OCA2: variants seen among roughly 807,000 people sequenced by gnomAD.
The protein encoded by OCA2 is P protein.
A neutral mutation model predicts 100.2 loss-of-function variants in OCA2; 77 were observed. The ratio of observed to expected loss-of-function variants is 0.77; its 90% CI spans 0.64 to 0.93. The LOEUF is 0.93. Among genes scored for constraint, OCA2 ranks in the 40% least tolerant of loss-of-function variants. The pLI, the probability that OCA2 is intolerant of heterozygous loss-of-function variation, is 0.00. For missense variants in OCA2, 1,062 were observed against 1,089.1 expected, an observed-to-expected ratio of 0.98 and a Z score of 0.35; for synonymous variants, 432 against 439.2, an observed-to-expected ratio of 0.98 and a Z score of 0.21.
Position 27,851,569 on chromosome 15 carries a change from G to A in OCA2, c.2245-94C>T, listed in dbSNP as rs914880309. ...TTTAGAAAATCCAAATGCTTTCTCA[G>A]CATTCAAACTCTAAGGAGCATAAGA... On this transcript the variant is annotated intron_variant, in intron 21 of 23. Transcript: ENST00000354638. 1.8e-5 allele frequency: 17 copies of A among 963,932 alleles called. No individual in the cohort carries two copies. In the African/African-American group the frequency reaches 2.7e-4, roughly 16 times the overall value. 59.7% of individuals were successfully genotyped at this position (963,932 alleles called of 1,614,324 possible). A position where few individuals can be genotyped will look rare whatever the true frequency, so the allele number is the denominator to read the frequency against.
chr15:28,096,054 C>G (rs1050121461), intron 1 of OCA2, among the ~76,000 whole-genome samples: 1 of 152,188 alleles, frequency 6.6e-6, no homozygotes, highest in African/African-American at 2.4e-5. Flanking sequence ...TCTCGGAGCA[C>G]GGCCCTTCTC....
At chr15:28,010,965 A>G (rs1178116296) in intron 9 of OCA2, among the ~76,000 whole-genome samples, 1 of 152,266 alleles carries the variant, frequency 6.6e-6, no homozygotes, top group Non-Finnish European at 1.5e-5. Context: ...ATAGTGTGGT[A>G]CTGGTAGAGG....
rs796626779 is a variant in OCA2 at position 27,792,198 on chromosome 15, CTCCTT to C, written c.2433-36731_2433-36727del. 2.4e-4 allele frequency among the ~76,000 whole-genome samples: 37 copies of C among 152,122 alleles called. 1 individual carries two copies. The highest frequency in any genetic ancestry group is 7.7e-4 in the African/African-American group (32 of 41,392). On this transcript the variant is annotated intron_variant, in intron 23 of 23. Transcript: ENST00000354638. ...CTTAAAGTAGAGGAGGGACCATCTT[CTCCTT>C]TCCTTTCTTTTCTTTTCTTTCTTTC...
chr15:28,081,992 G>C (rs2044649296), intron 1 of OCA2, 97 bp from the exon 2 acceptor site: 1 of 1,030,746 alleles, frequency 9.7e-7, no homozygotes, highest in Non-Finnish European at 1.5e-6. Flanking sequence ...TGCTTCTTCG[G>C]AGGCGGTCCC....
chr15:27,828,810 G>C (rs989827796), intron 23 of OCA2, among the ~76,000 whole-genome samples: 1 of 152,204 alleles, frequency 6.6e-6, no homozygotes, highest in Non-Finnish European at 1.5e-5. Flanking sequence ...TGAAGGGTCA[G>C]TCTGGGGTTG....
chr15:27,951,622 GCC>G (rs2040030447), intron 18 of OCA2, among the ~76,000 whole-genome samples, 160 bp downstream of exon 18: 1 of 152,102 alleles, frequency 6.6e-6, no homozygotes, highest in Non-Finnish European at 1.5e-5. Flanking sequence ...AAGGAAAGGC[GCC>G]CTTCTTCCCA....
At chr15:27,937,421 T>C (rs1218115021) in intron 18 of OCA2, among the ~76,000 whole-genome samples, 3 of 152,240 alleles carry the variant, frequency 2.0e-5, no homozygotes, top group Non-Finnish European at 4.4e-5. Context: ...CATACCACTG[T>C]GAACAAAATT....
At chr15:27,891,486 C>T (rs2037459809) in intron 19 of OCA2, among the ~76,000 whole-genome samples, 1 of 152,144 alleles carries the variant, frequency 6.6e-6, no homozygotes, top group South Asian at 2.1e-4. Context: ...ATACCAAACT[C>T]CATAGATGTT....
chr15:27,795,733 C>T (rs990319297), intron 23 of OCA2, among the ~76,000 whole-genome samples: 1 of 152,198 alleles, frequency 6.6e-6, no homozygotes, highest in African/African-American at 2.4e-5. Flanking sequence ...GGCAGCTTAA[C>T]CCCATTAGGG....
chr15:28,020,856 G>T (rs77490758), intron 6 of OCA2, among the ~76,000 whole-genome samples: 9 of 152,080 alleles, frequency 5.9e-5, no homozygotes, highest in Admixed American at 2.6e-4. Context: ...GTGTGCCCCC[G>T]GCTCACCAGA....
At chr15:27,959,387 A>AC (rs2040336475) in intron 15 of OCA2, among the ~76,000 whole-genome samples, 1 of 151,890 alleles carries the variant, frequency 6.6e-6, no homozygotes, top group Non-Finnish European at 1.5e-5. Context: ...AGTGAAGGAA[A>AC]AAACTAATGA....
intron 4 of OCA2, among the ~76,000 whole-genome samples, chr15:28,026,143 T>C (rs554065555): frequency 1.3e-3 from 197 of 152,378 alleles, no homozygotes; most frequent in African/African-American, 4.7e-3. Context: ...GATTCTTCAC[T>C]GATCACGCAT....
In OCA2 at chr15:27,954,426, G is replaced by T. The variant is rs140331198; in HGVS notation, c.1842+732C>A. On this transcript the variant is annotated intron_variant, in intron 17 of 23. Transcript: ENST00000354638. Reference sequence around the variant, plus strand: ...GTGAAGGCACTGAGGCACCTCATCAGATTGCATCCAACATCTTTATGGAAA... The same window carrying T: ...GTGAAGGCACTGAGGCACCTCATCATATTGCATCCAACATCTTTATGGAAA... 7.0e-4 allele frequency among the ~76,000 whole-genome samples: 106 copies of T among 152,310 alleles called. 1 individual carries two copies. In the South Asian group the frequency reaches 9.5e-3, roughly 14 times the overall value.
intron 9 of OCA2, among the ~76,000 whole-genome samples, chr15:27,999,041 G>A (rs528373752): frequency 7.9e-5 from 12 of 151,856 alleles, no homozygotes; most frequent in Non-Finnish European, 7.4e-5. Flanking sequence ...ACACTCTGGG[G>A]ACTGTTGTGG....
intron 19 of OCA2, among the ~76,000 whole-genome samples, chr15:27,878,182 T>C (rs2084906074): frequency 6.6e-6 from 1 of 152,032 alleles, no homozygotes; most frequent in South Asian, 2.1e-4. Flanking sequence ...ATTACATCTA[T>C]ATACATTAAA....
chr15:28,005,651 C>G (rs2042070124), intron 9 of OCA2, among the ~76,000 whole-genome samples: 1 of 152,096 alleles, frequency 6.6e-6, no homozygotes, highest in South Asian at 2.1e-4. Flanking sequence ...TCCCACTGAC[C>G]ACAGCTGGGA....
intron 23 of OCA2, among the ~76,000 whole-genome samples, chr15:27,814,050 G>A (rs185838771): frequency 5.3e-5 from 8 of 151,998 alleles, no homozygotes; most frequent in East Asian, 1.9e-4. Context: ...AGGAATATTC[G>A]AATTATTCTC....
At chr15:27,969,830 G>A (rs556283742) in intron 14 of OCA2, among the ~76,000 whole-genome samples, 1 of 149,672 alleles carries the variant, frequency 6.7e-6, no homozygotes, top group African/African-American at 2.4e-5. Flanking sequence ...TCTGTGACAA[G>A]TCAAAATGGT....
intron 19 of OCA2, among the ~76,000 whole-genome samples, chr15:27,913,819 AAAGAAAGAAAGAAAGAAAG>A (rs1169882558): frequency 1.4e-4 from 10 of 72,370 alleles, no homozygotes; most frequent in African/African-American, 4.9e-4. Flanking sequence ...AAAAAAAGAG[AAAGAAAGAAAGAAAGAAAG>A]GAAAGAAAGA....
Sources: allele counts gnomAD v4.1 joint callset (sites outside exome capture counted in the v4.1 genomes callset), GRCh38; gene constraint gnomAD v4.1.1; transcripts MANE v1.5; gene names NCBI Gene and HGNC (gene_info 2026-07-23, HGNC 2026-07-21).